The following CDKL5 variants were observed in gnomAD, a reference collection of about 807,000 sequenced individuals.
CDKL5 encodes the protein cyclin dependent kinase like 5.
In CDKL5, 8 loss-of-function variants were observed where a neutral mutation model predicts 61.7. The ratio of observed to expected loss-of-function variants is 0.13; its 90% CI spans 0.08 to 0.23. The LOEUF (loss-of-function observed/expected upper bound fraction) is 0.23, where lower values mean the gene tolerates loss of function less well. Ranked by LOEUF, CDKL5 falls within the 10% of genes least tolerant of loss-of-function variation. CDKL5 has a pLI of 1.00. For synonymous variants in CDKL5, 275 were observed against 272.3 expected, an observed-to-expected ratio of 1.01 and a Z score of -0.10; for missense variants, 440 against 734.5, an observed-to-expected ratio of 0.60 and a Z score of 4.63.
chrX:18,634,612 A>G lies in CDKL5; in HGVS notation c.*5855A>G. ...CTGTTTTCTCTAGAGACACACAATG[A>G]TTCTGGCCCTCAGTCTGTTTCCCTC... On this transcript the variant is annotated 3_prime_UTR_variant, in exon 18 of 18. Coordinates refer to ENST00000623535, the MANE Select transcript of CDKL5 (RefSeq NM_001323289.2). 8 of 753,967 alleles carry G rather than the reference A, an allele frequency of 1.1e-5. No homozygotes were observed. The highest frequency in any genetic ancestry group is 1.3e-5 in the Non-Finnish European group (8 of 639,125). 62.1% of individuals were successfully genotyped at this position (753,967 alleles called of 1,213,427 possible).
At chrX:18,542,250 A>G (rs930305936) in intron 3 of CDKL5, among the ~76,000 whole-genome samples, 7 of 110,978 alleles carry the variant, frequency 6.3e-5, no homozygotes, top group Non-Finnish European at 1.1e-4. Flanking sequence ...TTTGCTGACC[A>G]CTGTGGCTGG....
rs1378158937 is a variant in CDKL5 at position 18,647,187 on chromosome X, T to G, written c.2797+1097T>G. 9.9e-6 allele frequency: 12 copies of G among 1,208,674 alleles called. No individual in the cohort carries two copies. Among genetic ancestry groups the G allele is most frequent in the Non-Finnish European group, 1.3e-5 (12 of 894,940 alleles). ...ATGAAAAAAAATCCCCGGGCCCTGCTTACCCAAAGCCTTGACTGTTGAGCC... is the reference window on the plus strand; with the variant it reads ...ATGAAAAAAAATCCCCGGGCCCTGCGTACCCAAAGCCTTGACTGTTGAGCC... On this transcript the variant is annotated intron_variant, in intron 20 of 21. Coordinates refer to the CDKL5 transcript ENST00000379989.
At chrX:18,532,173 GC>G (rs774103358) in intron 3 of CDKL5, among the ~76,000 whole-genome samples, 3 of 111,742 alleles carry the variant, frequency 2.7e-5, no homozygotes, top group Admixed American at 9.4e-5. Flanking sequence ...CATTTTCTTA[GC>G]TGAAATGACT....
At position 18,438,939 on chromosome X, in the gene CDKL5, C is replaced by T. The variant is rs1235953766; in HGVS notation, c.-163+13244C>T. 2.7e-5 allele frequency among the ~76,000 whole-genome samples: 3 copies of T among 109,908 alleles called. No individual in the cohort carries two copies. In the South Asian group the frequency reaches 1.2e-3, roughly 44 times the overall value. On this transcript the variant is annotated intron_variant, in intron 1 of 17. Coordinates refer to ENST00000623535, the MANE Select transcript of CDKL5 (RefSeq NM_001323289.2). ...CCAGGATCTTTTCTACTGTAAGCTC[C>T]GTGGAGGCAAGGAGTGTTGACTGTT...
Position 18,485,910 on chromosome X carries a change from C to T in CDKL5, c.-162-21025C>T, listed in dbSNP as rs189443504. Among the ~76,000 whole-genome samples, 7 of 111,166 alleles carry T rather than the reference C, an allele frequency of 6.3e-5. No individual in the cohort carries two copies. The Middle Eastern group carries it at 0.014, about 223-fold the overall frequency. On this transcript the variant is annotated intron_variant, in intron 1 of 17. Transcript: ENST00000623535. Reference sequence around the variant, plus strand: ...ATAGATTTTTTTTAAAAAGAGAGAGCGCAACACTATTGTCTGATTGAAGCA... The same window carrying T: ...ATAGATTTTTTTTAAAAAGAGAGAGTGCAACACTATTGTCTGATTGAAGCA...
intron 12 of CDKL5, among the ~76,000 whole-genome samples, chrX:18,607,776 C>G (rs1159078083): frequency 8.9e-6 from 1 of 111,768 alleles, no homozygotes; most frequent in Non-Finnish European, 1.9e-5. Flanking sequence ...AATTTGTTTT[C>G]TTAAAATAAT....
chrX:18,590,893 G>A (rs1038200313), intron 9 of CDKL5, among the ~76,000 whole-genome samples: 8 of 111,724 alleles, frequency 7.2e-5, no homozygotes, highest in Admixed American at 6.6e-4. Context: ...ACTCCTTGCC[G>A]TAGCCTATGA....
intron 1 of CDKL5, among the ~76,000 whole-genome samples, chrX:18,471,199 G>T (rs1478223550): frequency 3.7e-5 from 4 of 109,101 alleles, no homozygotes; most frequent in Admixed American, 2.0e-4. Context: ...ATTTTTTGTG[G>T]GTACATAGTA....
chrX:18,528,041 T>G, intron 3 of CDKL5, among the ~76,000 whole-genome samples: 1 of 111,622 alleles, frequency 9.0e-6, no homozygotes. Flanking sequence ...TATTCCGTTG[T>G]GGTATGATAG....
intron 1 of CDKL5, among the ~76,000 whole-genome samples, chrX:18,427,351 G>A (rs1260418109): frequency 9.3e-6 from 1 of 107,417 alleles, no homozygotes; most frequent in Admixed American, 1.0e-4. Flanking sequence ...GGGTGGTTGA[G>A]GGGGGAAGGA....
chrX:18,604,208 C>T lies in CDKL5; in HGVS notation c.1284C>T (p.Gly428=). The T allele has an allele frequency of 1.7e-6, 2 of 1,211,278 alleles. No individual in the cohort carries two copies. The highest frequency in any genetic ancestry group is 2.2e-6 in the Non-Finnish European group (2 of 895,038). The change falls in exon 12 of 18, where the codon GGC becomes GGT. Residue 428 remains glycine (G), a synonymous_variant. Coordinates refer to ENST00000623535, the MANE Select transcript of CDKL5 (RefSeq NM_001323289.2). ...ATATTGACCCAAAGCCTTCAGAAGGCCCAGGGACAAAGTACCTCAAGTCAA... is the reference window on the plus strand; with the variant it reads ...ATATTGACCCAAAGCCTTCAGAAGGTCCAGGGACAAAGTACCTCAAGTCAA... The part of the protein sequence containing the change: ...DFNIDPKPSE[G]PGTKYLKSNS...
At chrX:18,598,359 C>T (rs1412825453) in intron 10 of CDKL5, 103 bp from the exon 11 acceptor site, 2 of 585,762 alleles carry the variant, frequency 3.4e-6, no homozygotes, top group Non-Finnish European at 2.8e-6. Context: ...TGATATTCTG[C>T]AATGACTGTG....
At position 18,634,847 on chromosome X, in the gene CDKL5, A is replaced by C. The variant is rs1927338565; in HGVS notation, c.*6090A>C. The C allele has an allele frequency of 1.3e-6, 1 of 747,418 alleles. No homozygotes were observed. Among genetic ancestry groups the C allele is most frequent in the Admixed American group, 9.3e-5 (1 of 10,712 alleles). The allele number at this position is 747,418 out of a possible 1,213,427, so 61.6% of individuals were successfully genotyped here. On this transcript the variant is annotated 3_prime_UTR_variant, in exon 18 of 18. Coordinates refer to ENST00000623535, the MANE Select transcript of CDKL5 (RefSeq NM_001323289.2). Reference sequence around the variant, plus strand: ...TGTATATACTTAGCTAACTATTCAGAGCTTCTTCAATCTCTAGTAAGCTTG... The same window carrying C: ...TGTATATACTTAGCTAACTATTCAGCGCTTCTTCAATCTCTAGTAAGCTTG...
intron 14 of CDKL5, among the ~76,000 whole-genome samples, chrX:18,612,679 A>G (rs1008457839): frequency 1.2e-4 from 13 of 108,982 alleles, no homozygotes; most frequent in African/African-American, 1.7e-4. Flanking sequence ...GAGAGAGAGA[A>G]AAAAAATATA....
At chrX:18,490,236 A>C (rs770579075) in intron 1 of CDKL5, among the ~76,000 whole-genome samples, 2 of 111,328 alleles carry the variant, frequency 1.8e-5, no homozygotes, top group African/African-American at 6.5e-5. Flanking sequence ...GAGTCACGCT[A>C]GCAAATTATC....
intron 16 of CDKL5, chrX:18,623,752 C>G: frequency 4.7e-6 from 1 of 214,191 alleles, no homozygotes; most frequent in Non-Finnish European, 6.8e-6. Context: ...GCTCTAGATG[C>G]ACAGCACCGA....
chrX:18,604,678 T>G lies in CDKL5; in HGVS notation c.1754T>G (p.Leu585Arg). 8.3e-7 allele frequency: 1 copy of G among 1,211,872 alleles called. No individual in the cohort carries two copies. Among genetic ancestry groups the G allele is most frequent in the Non-Finnish European group, 1.1e-6 (1 of 895,260 alleles). Reference protein sequence around the residue: ...EHMDSSHSHSLSAPHESFSYG... With the variant: ...EHMDSSHSHSRSAPHESFSYG... Reference sequence around the variant, plus strand: ...ATGGACAGTAGCCATTCCCATTCACTGTCTGCACCTCACGAATCTTTTTCT... The same window carrying G: ...ATGGACAGTAGCCATTCCCATTCACGGTCTGCACCTCACGAATCTTTTTCT... Residue 585 changes from leucine (L) to arginine (R), a missense_variant, in exon 12 of 18, where the codon CTG (leucine) becomes CGG (arginine). By Grantham distance (102) the Leu-to-Arg change is moderately radical. This residue lies in a region of CDKL5 where 363 missense variants were observed against 516.3 expected (regional missense o/e 0.70). Transcript: ENST00000623535.
chrX:18,503,079 C>T (rs938168494), intron 1 of CDKL5, among the ~76,000 whole-genome samples: 4 of 112,304 alleles, frequency 3.6e-5, no homozygotes, highest in African/African-American at 1.3e-4. Flanking sequence ...AACTTATTTA[C>T]GTGTTTTTTA....
At chrX:18,551,500 A>G (rs1184260295) in intron 3 of CDKL5, among the ~76,000 whole-genome samples, 2 of 107,676 alleles carry the variant, frequency 1.9e-5, no homozygotes, top group African/African-American at 6.7e-5. Context: ...CATTTGCGGC[A>G]CTCAAATATC....
Sources: allele counts gnomAD v4.1 joint callset (sites outside exome capture counted in the v4.1 genomes callset), GRCh38; gene constraint gnomAD v4.1.1; regional missense constraint gnomAD v4.1.1; transcripts MANE v1.5; gene names NCBI Gene and HGNC (gene_info 2026-07-23, HGNC 2026-07-21).